PHKB: variants seen among roughly 807,000 people sequenced by gnomAD.
PHKB encodes phosphorylase kinase regulatory subunit beta.
PHKB carries 122 observed loss-of-function variants against 152.1 expected under a neutral mutation model. That is an observed-to-expected ratio of 0.80 (90% CI 0.69 to 0.93). The LOEUF (loss-of-function observed/expected upper bound fraction) is 0.93, where lower values mean the gene tolerates loss of function less well. Ranked by LOEUF, PHKB falls within the 40% of genes least tolerant of loss-of-function variation. The probability of loss-of-function intolerance (pLI) is 0.00; values close to 1 mark genes in which losing one functional copy is unlikely to be tolerated. For missense variants in PHKB, 1,304 were observed against 1,328.4 expected (o/e 0.98, Z 0.29); for synonymous variants, 436 against 464.9 (o/e 0.94, Z 0.80).
At chr16:47,689,898 T>C (rs1447825852) in intron 27 of PHKB, among the ~76,000 whole-genome samples, 1 of 152,244 alleles carries the variant, frequency 6.6e-6, no homozygotes, top group Non-Finnish European at 1.5e-5. Context: ...GTTGTAAATA[T>C]AATTCAATTC....
At chr16:47,559,869 C>T (rs570086242) in intron 7 of PHKB, among the ~76,000 whole-genome samples, 19 of 152,268 alleles carry the variant, frequency 1.2e-4, no homozygotes, top group South Asian at 4.1e-4. Flanking sequence ...TAAACCACCA[C>T]GGGTCCTTCA....
At chr16:47,591,303 A>G (rs1346313562) in intron 10 of PHKB, among the ~76,000 whole-genome samples, 2 of 151,840 alleles carry the variant, frequency 1.3e-5, no homozygotes, top group Non-Finnish European at 2.9e-5. Context: ...CATGGCCTCT[A>G]CTTGGTGTCT....
chr16:47,536,061 T>G (rs149131911), intron 6 of PHKB, among the ~76,000 whole-genome samples: 2 of 152,290 alleles, frequency 1.3e-5, no homozygotes, highest in East Asian at 3.9e-4. Context: ...TATTTATTTA[T>G]TTATTTGGAG....
At chr16:47,682,871 A>AT (rs1226191581) in intron 26 of PHKB, among the ~76,000 whole-genome samples, 1 of 151,706 alleles carries the variant, frequency 6.6e-6, no homozygotes, top group Non-Finnish European at 1.5e-5. Context: ...TTTCTGCTCC[A>AT]TTTTTTTCCC....
At chr16:47,522,118 CCT>C in intron 6 of PHKB, among the ~76,000 whole-genome samples, 1 of 152,126 alleles carries the variant, frequency 6.6e-6, no homozygotes, top group East Asian at 1.9e-4. Context: ...GGAAATGTTT[CCT>C]CTTCTATTTT....
At chr16:47,471,126 A>C (rs1969759998) in intron 1 of PHKB, among the ~76,000 whole-genome samples, 1 of 152,170 alleles carries the variant, frequency 6.6e-6, no homozygotes, top group Admixed American at 6.5e-5. Flanking sequence ...TAGGGACTTC[A>C]AGGAAAGCCT....
intron 12 of PHKB, among the ~76,000 whole-genome samples, chr16:47,595,930 C>A (rs1972109947): frequency 6.6e-6 from 1 of 152,176 alleles, no homozygotes; most frequent in Non-Finnish European, 1.5e-5. Flanking sequence ...AATTCTCTCT[C>A]CCTGCTTTCT....
chr16:47,660,480 T>C (rs370741665), intron 20 of PHKB, 26 bp from the exon 21 acceptor site: 20 of 1,593,078 alleles, frequency 1.3e-5, no homozygotes, highest in Non-Finnish European at 1.6e-5. Context: ...TCTAAGAGTT[T>C]CTAATCTTTT....
chr16:47,530,998 T>C (rs1970852724), intron 6 of PHKB, among the ~76,000 whole-genome samples: 1 of 152,110 alleles, frequency 6.6e-6, no homozygotes, highest in Admixed American at 6.5e-5. Flanking sequence ...CACAAGGTGA[T>C]TTTGGAGAAG....
intron 1 of PHKB, among the ~76,000 whole-genome samples, chr16:47,492,711 CCTT>C (rs1468948328): frequency 6.6e-6 from 1 of 152,184 alleles, no homozygotes; most frequent in Non-Finnish European, 1.5e-5. Flanking sequence ...CTGAGGCTGA[CCTT>C]CTCAACACCT....
chr16:47,470,067 T>A (rs1467749807), intron 1 of PHKB, among the ~76,000 whole-genome samples: 1 of 152,194 alleles, frequency 6.6e-6, no homozygotes, highest in Non-Finnish European at 1.5e-5. Flanking sequence ...GAAATCCTCT[T>A]GCCTAGACCA....
At chr16:47,530,310 A>G (rs1013201219) in intron 6 of PHKB, among the ~76,000 whole-genome samples, 5 of 151,936 alleles carry the variant, frequency 3.3e-5, no homozygotes, top group Admixed American at 3.3e-4. Context: ...TAATGTTTGT[A>G]TTTTTAGTAG....
chr16:47,684,047 C>A (rs1973915304), intron 26 of PHKB, among the ~76,000 whole-genome samples: 1 of 148,564 alleles, frequency 6.7e-6, no homozygotes. Context: ...CAGAAAATTT[C>A]AGCTGGTCAG....
intron 1 of PHKB, among the ~76,000 whole-genome samples, chr16:47,486,383 TAAG>T (rs1483997164): frequency 2.6e-5 from 4 of 152,338 alleles, no homozygotes; most frequent in Middle Eastern, 3.4e-3. Context: ...ATCGGAATTT[TAAG>T]AAGAAGAAAT....
chr16:47,560,283 G>A (rs1971453934), intron 7 of PHKB, among the ~76,000 whole-genome samples: 1 of 152,154 alleles, frequency 6.6e-6, no homozygotes, highest in South Asian at 2.1e-4. Flanking sequence ...ACTTGTATAG[G>A]TTCTTGTACT....
intron 30 of PHKB, among the ~76,000 whole-genome samples, chr16:47,698,799 AAAG>A (rs1974199739): frequency 6.6e-6 from 1 of 152,086 alleles, no homozygotes; most frequent in Non-Finnish European, 1.5e-5. Context: ...TTCTGACAAA[AAAG>A]AGATCTAGAA....
intron 16 of PHKB, among the ~76,000 whole-genome samples, chr16:47,642,899 G>A (rs989563358): frequency 3.3e-5 from 5 of 152,126 alleles, no homozygotes; most frequent in African/African-American, 9.7e-5. Flanking sequence ...GGCAAGGAGC[G>A]GAGGCAACGT....
Position 47,502,996 on chromosome 16 carries a change from T to C in PHKB, c.311T>C (p.Ile104Thr), listed in dbSNP as rs765020871. 1.9e-5 allele frequency: 31 copies of C among 1,609,506 alleles called. No individual in the cohort carries two copies. The highest frequency in any genetic ancestry group is 2.4e-5 in the Non-Finnish European group (28 of 1,175,902). The change falls in exon 4 of 31, where the codon ATT becomes ACT. Residue 104 changes from isoleucine to threonine, a missense_variant. Physicochemically the swap from Ile to Thr is moderately conservative, Grantham distance 89 (BLOSUM62 -1). Transcript: ENST00000323584. ...AWALALAYRR[I>T]DDDKGRTHEL... ...GAGTTATCTCTCTCACCCAGGCGAATTGATGATGACAAGGGAAGGACCCAT... is the reference window on the plus strand; with the variant it reads ...GAGTTATCTCTCTCACCCAGGCGAACTGATGATGACAAGGGAAGGACCCAT...
intron 6 of PHKB, among the ~76,000 whole-genome samples, chr16:47,526,148 G>C (rs947496757): frequency 1.3e-5 from 2 of 152,180 alleles, no homozygotes; most frequent in Non-Finnish European, 2.9e-5. Flanking sequence ...GGTGGCTCAT[G>C]CCCGTAATCC....
Sources: allele counts gnomAD v4.1 joint callset (sites outside exome capture counted in the v4.1 genomes callset), GRCh38; gene constraint gnomAD v4.1.1; transcripts MANE v1.5; gene names NCBI Gene and HGNC (gene_info 2026-07-23, HGNC 2026-07-21).